Variants in MAML1 observed in about 807,000 individuals in gnomAD.
MAML1 encodes mastermind like transcriptional coactivator 1.
A neutral mutation model predicts 77.1 loss-of-function variants in MAML1; 14 were observed. That is an observed-to-expected ratio of 0.18 (90% CI 0.12 to 0.28). The LOEUF (loss-of-function observed/expected upper bound fraction) is 0.28, where lower values mean the gene tolerates loss of function less well. Among genes scored for constraint, MAML1 ranks in the 10% least tolerant of loss-of-function variants. The pLI, the probability that MAML1 is intolerant of heterozygous loss-of-function variation, is 1.00. For missense variants in MAML1, 1,217 were observed against 1,327.8 expected (o/e 0.92, Z 1.30); for synonymous variants, 516 against 551.9 (o/e 0.93, Z 0.91).
intron 2 of MAML1, among the ~76,000 whole-genome samples, chr5:179,767,715 C>T (rs566716715): frequency 6.6e-6 from 1 of 152,302 alleles, no homozygotes; most frequent in East Asian, 1.9e-4. Flanking sequence ...GGGTGCTTGC[C>T]ATCTGGGTAG....
chr5:179,774,988 A>C lies in MAML1; in HGVS notation c.*111A>C, dbSNP rs539211618. 3.1e-5 allele frequency: 46 copies of C among 1,490,970 alleles called. No homozygotes were observed. In the African/African-American group the frequency reaches 3.4e-4, roughly 11 times the overall value. The allele number at this position is 1,490,970 out of a possible 1,614,324, so 92.4% of individuals were successfully genotyped here. ...AAGCCCATGGCCTGGGGAGCTGGGC[A>C]GGTAGAGCCCAAGCTCCAGGTGAGG... On this transcript the variant is annotated 3_prime_UTR_variant, in exon 5 of 5. Transcript: ENST00000292599.
In MAML1 at chr5:179,733,015, C is replaced by A; in HGVS notation, c.-98C>A. 1 of 725,060 alleles carries A rather than the reference C, an allele frequency of 1.4e-6. No homozygotes were observed. Among genetic ancestry groups the A allele is most frequent in the Non-Finnish European group, 1.9e-6 (1 of 538,000 alleles). The allele number at this position is 725,060 out of a possible 1,614,324, so 44.9% of individuals were successfully genotyped here. On this transcript the variant is annotated 5_prime_UTR_variant, in exon 1 of 5. Transcript: ENST00000292599. ...GCTGCCCTCGGGGGCATGGCGCGGC[C>A]GTGAGGCGGAGAGGGGTAGCCGCGG...
At position 179,766,452 on chromosome 5, in the gene MAML1, A is replaced by G. The variant is rs754621552; in HGVS notation, c.1442A>G (p.Tyr481Cys). Reference protein sequence around the residue: ...NKSSPRPGGPYLQPSHVNLLS... With the variant: ...NKSSPRPGGPCLQPSHVNLLS... ...AGTTCCCCTCGGCCCGGAGGCCCCT[A>G]CCTCCAGCCCAGCCATGTGAACCTG... The change falls in exon 2 of 5, where the codon TAC becomes TGC. Residue 481 changes from tyrosine to cysteine, a missense_variant. Physicochemically the swap from Tyr to Cys is radical, Grantham distance 194 (BLOSUM62 -2). Around this residue, in one of 3 missense-constraint regions of MAML1, gnomAD observed 884 missense variants for 949.3 expected, o/e 0.93. Transcript: ENST00000292599. The surrounding 1 kb of genome is among the most constrained non-coding windows in gnomAD (Gnocchi z 4.0). The G allele has an allele frequency of 3.7e-6, 6 of 1,612,146 alleles. No individual in the cohort carries two copies. In the Admixed American group the frequency reaches 6.7e-5, roughly 18 times the overall value.
chr5:179,750,209 C>G (rs886836741), intron 1 of MAML1, among the ~76,000 whole-genome samples: 3 of 152,250 alleles, frequency 2.0e-5, no homozygotes, highest in African/African-American at 7.2e-5. Context: ...AAATGATCTT[C>G]TGTGGATGTG....
In MAML1 at chr5:179,774,408, C is replaced by T; in HGVS notation, c.2582C>T (p.Thr861Ile). 1 of 1,613,256 alleles carries T rather than the reference C, an allele frequency of 6.2e-7. No homozygotes were observed. Among genetic ancestry groups the T allele is most frequent in the African/African-American group, 1.3e-5 (1 of 75,072 alleles). Reference protein sequence around the residue: ...TPGNSNVSPFTAASSFHMQQQ... With the variant: ...TPGNSNVSPFIAASSFHMQQQ... ...GGGAACAGCAACGTGAGTCCCTTCA[C>T]TGCAGCCTCCAGTTTCCACATGCAG... is the stretch of plus-strand genomic sequence containing the variant. Residue 861 changes from threonine (T) to isoleucine (I), a missense_variant, in exon 5 of 5, where the codon ACT (threonine) becomes ATT (isoleucine). Thr to Ile is a moderately conservative substitution (Grantham distance 89, BLOSUM62 -1). Around this residue, in one of 3 missense-constraint regions of MAML1, gnomAD observed 884 missense variants for 949.3 expected, o/e 0.93. Transcript: ENST00000292599.
At position 179,765,362 on chromosome 5, in the gene MAML1, G is replaced by C; in HGVS notation, c.352G>C (p.Ala118Pro). Residue 118 changes from alanine to proline, a missense_variant, in exon 2 of 5, where the codon GCC becomes CCC. By Grantham distance (27) the Ala-to-Pro change is conservative. This residue lies in a region of MAML1 where 312 missense variants were observed against 331.4 expected (regional missense o/e 0.94). Coordinates refer to ENST00000292599, the MANE Select transcript of MAML1 (RefSeq NM_014757.5). ...TACAGTTAAGAGGAATCTTGACAGC[G>C]CCACTTCCCCTCAGAATGGCGATCA... Reference protein sequence around the residue: ...HDTVKRNLDSATSPQNGDQQN... With the variant: ...HDTVKRNLDSPTSPQNGDQQN... The C allele has an allele frequency of 6.2e-7, 1 of 1,609,348 alleles. No individual in the cohort carries two copies.
chr5:179,745,671 T>G (rs1045021599), intron 1 of MAML1, among the ~76,000 whole-genome samples: 3 of 150,868 alleles, frequency 2.0e-5, no homozygotes, highest in Non-Finnish European at 4.4e-5. Context: ...CCATCCTGGC[T>G]AACACAGTGA....
intron 1 of MAML1, among the ~76,000 whole-genome samples, chr5:179,738,507 C>G (rs1005111822): frequency 7.2e-5 from 11 of 152,150 alleles, no homozygotes; most frequent in Non-Finnish European, 1.3e-4. Context: ...GAGACCTTGT[C>G]TAGAACCCTC....
chr5:179,767,507 A>T (rs1461203287), intron 2 of MAML1, among the ~76,000 whole-genome samples: 1 of 148,406 alleles, frequency 6.7e-6, no homozygotes, highest in African/African-American at 2.4e-5. Flanking sequence ...TATATACCCG[A>T]CAAGTTGATC....
chr5:179,776,716 C>T lies in MAML1; in HGVS notation c.*1839C>T. ...CTGGCTGCTGCCCCGTCTCCCACCCCTGTCCCCGGGGCTCGCTGGCCCTGC... is the reference window on the plus strand; with the variant it reads ...CTGGCTGCTGCCCCGTCTCCCACCCTTGTCCCCGGGGCTCGCTGGCCCTGC... On this transcript the variant is annotated 3_prime_UTR_variant, in exon 5 of 5. Coordinates refer to ENST00000292599, the MANE Select transcript of MAML1 (RefSeq NM_014757.5). The T allele has an allele frequency of 1.0e-6, 1 of 985,942 alleles. No homozygotes were observed. The highest frequency in any genetic ancestry group is 1.2e-6 in the Non-Finnish European group (1 of 830,008). 61.1% of individuals were successfully genotyped at this position (985,942 alleles called of 1,614,324 possible). A position where few individuals can be genotyped will look rare whatever the true frequency, so the allele number is the denominator to read the frequency against.
At chr5:179,773,427 G>A (rs1756046962) in intron 4 of MAML1, among the ~76,000 whole-genome samples, 1 of 152,236 alleles carries the variant, frequency 6.6e-6, no homozygotes, top group African/African-American at 2.4e-5. Context: ...ATTCATCACT[G>A]TCTCTCTCAA....
chr5:179,760,815 G>C (rs1252151527), intron 1 of MAML1, among the ~76,000 whole-genome samples: 1 of 152,216 alleles, frequency 6.6e-6, no homozygotes, highest in Non-Finnish European at 1.5e-5. Context: ...AAGCAGGCCG[G>C]GCGCAGTGGC....
At chr5:179,747,808 CAAAAA>C (rs71001044) in intron 1 of MAML1, among the ~76,000 whole-genome samples, 4 of 40,888 alleles carry the variant, frequency 9.8e-5, no homozygotes, top group East Asian at 7.9e-4. Flanking sequence ...GACTCCATCT[CAAAAA>C]AAAAAAAAAA....
chr5:179,734,966 G>T (rs553563803), intron 1 of MAML1, among the ~76,000 whole-genome samples: 63 of 152,160 alleles, frequency 4.1e-4, no homozygotes, highest in African/African-American at 1.5e-3. Context: ...ATGAGCCACC[G>T]CACCGTGCCG....
Position 179,774,848 on chromosome 5 carries a change from G to A in MAML1, c.3022G>A (p.Asp1008Asn). The change falls in exon 5 of 5, where the codon GAT becomes AAT. Residue 1008 changes from aspartate to asparagine, a missense_variant. Transcript: ENST00000292599. ...KNRTSEEWMS[D>N]LDDLLGSQ ...CAGGACTTCAGAGGAGTGGATGAGT[G>A]ATTTGGACGACCTGTTAGGGTCTCA... is the stretch of plus-strand genomic sequence containing the variant. 1 of 1,611,016 alleles carries A rather than the reference G, an allele frequency of 6.2e-7. No homozygotes were observed. The highest frequency in any genetic ancestry group is 8.5e-7 in the Non-Finnish European group (1 of 1,177,648).
At chr5:179,761,366 A>G (rs1382902016) in intron 1 of MAML1, among the ~76,000 whole-genome samples, 1 of 151,952 alleles carries the variant, frequency 6.6e-6, no homozygotes, top group African/African-American at 2.4e-5. Context: ...ATTGTACTCC[A>G]GCATGGGTGA....
Position 179,775,199 on chromosome 5 carries a change from G to A in MAML1, c.*322G>A, listed in dbSNP as rs1040733586. 21 of 1,063,340 alleles carry A rather than the reference G, an allele frequency of 2.0e-5. No homozygotes were observed. Among genetic ancestry groups the A allele is most frequent in the Middle Eastern group, 4.3e-4 (1 of 2,312 alleles). The allele number at this position is 1,063,340 out of a possible 1,614,324, so 65.9% of individuals were successfully genotyped here. A position where few individuals can be genotyped will look rare whatever the true frequency, so the allele number is the denominator to read the frequency against. On this transcript the variant is annotated 3_prime_UTR_variant, in exon 5 of 5. Transcript: ENST00000292599. ...AACACCAGTGAAACCCCACACTGTC[G>A]GGCTTATAAAAATCTGTGCCATCAT...
intron 1 of MAML1, among the ~76,000 whole-genome samples, chr5:179,739,859 C>T (rs1380706706): frequency 1.3e-5 from 2 of 152,036 alleles, no homozygotes; most frequent in South Asian, 2.1e-4. Context: ...GGTGTCCCGG[C>T]GAGGCTGGGC....
intron 1 of MAML1, among the ~76,000 whole-genome samples, chr5:179,750,987 T>C (rs1779477570): frequency 6.6e-6 from 1 of 152,150 alleles, no homozygotes; most frequent in African/African-American, 2.4e-5. Context: ...AAGGCTACTT[T>C]TTTTTAAATC....
Sources: allele counts gnomAD v4.1 joint callset (sites outside exome capture counted in the v4.1 genomes callset), GRCh38; gene constraint gnomAD v4.1.1; regional missense constraint gnomAD v4.1.1; non-coding constraint Gnocchi (gnomAD v3.1); transcripts MANE v1.5; gene names NCBI Gene and HGNC (gene_info 2026-07-23, HGNC 2026-07-21).